Variants in MYO9B observed in about 807,000 individuals in gnomAD.
MYO9B encodes unconventional myosin-IXb.
Under a neutral mutation model 229.5 loss-of-function variants are expected in MYO9B, and 71 were observed. That is an observed-to-expected ratio of 0.31 (90% CI 0.26 to 0.38). The LOEUF is 0.38. Among genes scored for constraint, MYO9B ranks in the 10% least tolerant of loss-of-function variants. The pLI, the probability that MYO9B is intolerant of heterozygous loss-of-function variation, is 1.00. For missense variants in MYO9B, 2,255 were observed against 2,920.5 expected (o/e 0.77, Z 5.25); for synonymous variants, 1,185 against 1,235.8 (o/e 0.96, Z 0.86).
At chr19:17,100,027 C>G (rs1187588224) in intron 1 of MYO9B, among the ~76,000 whole-genome samples, 2 of 150,200 alleles carry the variant, frequency 1.3e-5, no homozygotes, top group African/African-American at 4.9e-5. Context: ...GAGGCTGAGA[C>G]AGGAGAATCG....
chr19:17,140,784 G>C (rs372498267), intron 2 of MYO9B, among the ~76,000 whole-genome samples: 1 of 148,922 alleles, frequency 6.7e-6, no homozygotes, highest in African/African-American at 2.5e-5. Context: ...CACCGTGCCC[G>C]GCCAGGGTTA....
At chr19:17,140,126 A>G (rs546425571) in intron 2 of MYO9B, among the ~76,000 whole-genome samples, 43 of 152,230 alleles carry the variant, frequency 2.8e-4, no homozygotes, top group African/African-American at 9.4e-4. Context: ...GCAGTACAGT[A>G]AGAGTACAGT....
intron 2 of MYO9B, among the ~76,000 whole-genome samples, chr19:17,111,060 T>C (rs1351967385): frequency 2.6e-5 from 4 of 152,128 alleles, no homozygotes; most frequent in Non-Finnish European, 4.4e-5. Flanking sequence ...ACAGTGCCAT[T>C]ATCCACTTCG....
At chr19:17,206,462 C>T in intron 33 of MYO9B, 86 bp downstream of exon 33, 2 of 1,526,774 alleles carry the variant, frequency 1.3e-6, no homozygotes, top group Non-Finnish European at 1.8e-6. Context: ...GGCAGGACCA[C>T]CCAGTTCACA....
intron 35 of MYO9B, among the ~76,000 whole-genome samples, chr19:17,208,338 C>CA (rs1268847351): frequency 0.29 from 14,563 of 50,720 alleles, 1,437 homozygotes; most frequent in African/African-American, 0.47. Flanking sequence ...GACTCCGTCT[C>CA]AAAAAAAAAA....
intron 2 of MYO9B, among the ~76,000 whole-genome samples, chr19:17,131,714 C>G (rs1361575873): frequency 1.3e-5 from 2 of 152,200 alleles, no homozygotes; most frequent in African/African-American, 4.8e-5. Context: ...GGCATCCCCA[C>G]TGGGCCCACA....
chr19:17,185,045 C>T lies in MYO9B; in HGVS notation c.2496+58C>T. On this transcript the variant is annotated intron_variant, in intron 17 of 39. Transcript: ENST00000682292. ...TCAGCTCAGCCTCAGGCTTGTGTAG[C>T]TTCACCCGACACCGAGCACAGCCCG... 4 of 1,609,932 alleles carry T rather than the reference C, an allele frequency of 2.5e-6. No individual in the cohort carries two copies. In the East Asian group the frequency reaches 6.7e-5, roughly 27 times the overall value.
intron 10 of MYO9B, among the ~76,000 whole-genome samples, chr19:17,166,644 C>T (rs116896298): frequency 0.015 from 2,241 of 152,192 alleles, 24 homozygotes; most frequent in Middle Eastern, 0.048. Flanking sequence ...CTGATCCGCT[C>T]ACTCCTCCCA....
intron 11 of MYO9B, among the ~76,000 whole-genome samples, chr19:17,168,528 A>C (rs2072685778): frequency 6.6e-6 from 1 of 152,224 alleles, no homozygotes; most frequent in African/African-American, 2.4e-5. Context: ...CGTGTGTGCA[A>C]AATGCACAAA....
intron 2 of MYO9B, among the ~76,000 whole-genome samples, chr19:17,116,211 G>A (rs556233095): frequency 3.9e-5 from 6 of 152,310 alleles, no homozygotes; most frequent in South Asian, 2.1e-4. Context: ...CCTGCAGGGC[G>A]CACAGTCTGC....
At chr19:17,209,432 A>T in intron 35 of MYO9B, among the ~76,000 whole-genome samples, 154 bp from the exon 36 acceptor site, 1 of 152,226 alleles carries the variant, frequency 6.6e-6, no homozygotes, top group Non-Finnish European at 1.5e-5. Flanking sequence ...GCCGAAGGTC[A>T]CACTGCATGG....
At chr19:17,102,687 G>A (rs2057756825) in intron 2 of MYO9B, 130 bp downstream of exon 2, 1 of 1,308,622 alleles carries the variant, frequency 7.6e-7, no homozygotes, top group Non-Finnish European at 1.0e-6. Flanking sequence ...GATTGCTTGA[G>A]CCCAGGAGTT....
At chr19:17,092,997 C>A (rs987443059) in intron 1 of MYO9B, among the ~76,000 whole-genome samples, 1 of 152,146 alleles carries the variant, frequency 6.6e-6, no homozygotes, top group Non-Finnish European at 1.5e-5. Context: ...CATGGAAGTA[C>A]ATATGCCAGT....
At chr19:17,198,348 A>G (rs1369623945) in intron 24 of MYO9B, 40 bp downstream of exon 24, 1 of 1,609,506 alleles carries the variant, frequency 6.2e-7, no homozygotes, top group African/African-American at 1.3e-5. Flanking sequence ...CCACCAGAGG[A>G]TGCCCGGGGT....
chr19:17,154,210 C>T, intron 5 of MYO9B, 105 bp from the exon 6 acceptor site: 3 of 1,352,968 alleles, frequency 2.2e-6, no homozygotes, highest in South Asian at 1.2e-5. Context: ...CCATTCATTC[C>T]CCTGGTCCTG....
chr19:17,199,384 AAAAG>A (rs1415531452), intron 24 of MYO9B, among the ~76,000 whole-genome samples: 2 of 152,134 alleles, frequency 1.3e-5, no homozygotes, highest in African/African-American at 4.8e-5. Flanking sequence ...AACTGGAACA[AAAAG>A]AAAAGAAAAT....
At chr19:17,176,697 G>T (rs181545962) in intron 14 of MYO9B, among the ~76,000 whole-genome samples, 1 of 152,178 alleles carries the variant, frequency 6.6e-6, no homozygotes, top group Non-Finnish European at 1.5e-5. Flanking sequence ...ATCGATGGTG[G>T]TGCGGAGAGA....
At chr19:17,211,014 TCG>T (rs1295390639) in intron 38 of MYO9B, among the ~76,000 whole-genome samples, 166 bp downstream of exon 38, 1 of 134,282 alleles carries the variant, frequency 7.4e-6, no homozygotes, top group Non-Finnish European at 1.5e-5. Flanking sequence ...AGACGGCGTC[TCG>T]CTCTGTCGCC....
At chr19:17,187,019 C>T (rs983280400) in intron 18 of MYO9B, among the ~76,000 whole-genome samples, 1 of 152,154 alleles carries the variant, frequency 6.6e-6, no homozygotes, top group Non-Finnish European at 1.5e-5. Flanking sequence ...TAAGCCACCG[C>T]GCCCAGCACC....
Sources: allele counts gnomAD v4.1 joint callset (sites outside exome capture counted in the v4.1 genomes callset), GRCh38; gene constraint gnomAD v4.1.1; transcripts MANE v1.5; gene names NCBI Gene and HGNC (gene_info 2026-07-23, HGNC 2026-07-21).